Variants in RARB observed in about 807,000 individuals in gnomAD.
The protein encoded by RARB is retinoic acid receptor beta, also known as HBV-activated protein.
In RARB, 17 loss-of-function variants were observed where a neutral mutation model predicts 51.9. The ratio of observed to expected loss-of-function variants is 0.33; its 90% CI spans 0.22 to 0.49. The LOEUF is 0.49. Among genes scored for constraint, RARB ranks in the 20% least tolerant of loss-of-function variants. The probability of loss-of-function intolerance (pLI) is 0.99; values close to 1 mark genes in which losing one functional copy is unlikely to be tolerated. For synonymous variants in RARB, 215 were observed against 195.4 expected (o/e 1.10, Z -0.84); for missense variants, 369 against 550.8 (o/e 0.67, Z 3.30).
intron 2 of RARB, among the ~76,000 whole-genome samples, chr3:25,028,268 G>A (rs965880571): frequency 2.6e-5 from 4 of 152,196 alleles, no homozygotes; most frequent in Admixed American, 2.6e-4. Flanking sequence ...GTCTTAACAA[G>A]TCCTCCAGGT....
At chr3:25,372,113 T>G (rs916284206) in intron 5 of RARB, among the ~76,000 whole-genome samples, 9 of 152,202 alleles carry the variant, frequency 5.9e-5, no homozygotes, top group African/African-American at 1.9e-4. Context: ...TAGGCCAGGA[T>G]AAAAAGTTTG....
intron 3 of RARB, among the ~76,000 whole-genome samples, chr3:25,125,330 T>G (rs1412483107): frequency 1.3e-5 from 2 of 152,148 alleles, no homozygotes; most frequent in African/African-American, 2.4e-5. Context: ...CCTGGGAGGG[T>G]ACTCCACTAA....
intron 2 of RARB, among the ~76,000 whole-genome samples, chr3:24,859,220 T>C (rs1250535411): frequency 6.6e-6 from 1 of 151,918 alleles, no homozygotes; most frequent in African/African-American, 2.4e-5. Flanking sequence ...ATTGAGCTGA[T>C]GTCTTTCTCT....
intron 5 of RARB, among the ~76,000 whole-genome samples, chr3:25,407,356 A>T (rs906022536): frequency 6.6e-6 from 1 of 152,218 alleles, no homozygotes; most frequent in African/African-American, 2.4e-5. Flanking sequence ...CAATGTAACT[A>T]AAATTCAGTT....
rs200850244 is a variant in RARB at position 25,569,821 on chromosome 3, A to G, written c.512A>G (p.Tyr171Cys). The G allele has an allele frequency of 2.8e-5, 45 of 1,614,108 alleles. No homozygotes were observed. Among genetic ancestry groups the G allele is most frequent in the Non-Finnish European group, 3.4e-6 (4 of 1,180,032 alleles). Residue 171 changes from tyrosine to cysteine, a missense_variant, in exon 4 of 8, where the codon TAT becomes TGT. Coordinates refer to ENST00000330688, the MANE Select transcript of RARB (RefSeq NM_000965.5). ...TCGAAGCAAGAATGCACAGAGAGCT[A>G]TGAAATGACAGCTGAGTTGGACGAT... ...ETSKQECTESYEMTAELDDLT... is the reference protein window; with the variant it reads ...ETSKQECTESCEMTAELDDLT...
intron 5 of RARB, among the ~76,000 whole-genome samples, chr3:25,276,920 C>G (rs1440375988): frequency 1.3e-5 from 2 of 152,090 alleles, no homozygotes; most frequent in African/African-American, 2.4e-5. Flanking sequence ...AATTCTAGAT[C>G]TAGGACTGGT....
At position 25,179,888 on chromosome 3, in the gene RARB, A is replaced by G. The variant is rs7617058; in HGVS notation, c.178+5313A>G. ...ACATGTATTAAGTAATCACATTGCC[A>G]TTAAAAGTAATGGCAAGAACCACAA... On this transcript the variant is annotated intron_variant, in intron 5 of 11. Coordinates refer to the RARB transcript ENST00000383772. 5.2e-3 allele frequency among the ~76,000 whole-genome samples: 796 copies of G among 152,348 alleles called. 12 individuals are homozygous for G. Among genetic ancestry groups the G allele is most frequent in the African/African-American group, 0.017 (696 of 41,576 alleles).
At chr3:24,866,182 T>A (rs1702844215) in intron 2 of RARB, among the ~76,000 whole-genome samples, 1 of 152,092 alleles carries the variant, frequency 6.6e-6, no homozygotes, top group South Asian at 2.1e-4. Flanking sequence ...TCTCATTTCA[T>A]CTCTTACCAT....
chr3:24,966,567 A>G (rs1408786011), intron 2 of RARB, among the ~76,000 whole-genome samples: 1 of 150,256 alleles, frequency 6.7e-6, no homozygotes, highest in East Asian at 2.0e-4. Context: ...GTCAAAGGTC[A>G]TTTCTACCAT....
chr3:25,289,028 C>G (rs1412982754), intron 5 of RARB, among the ~76,000 whole-genome samples: 1 of 152,234 alleles, frequency 6.6e-6, no homozygotes, highest in Non-Finnish European at 1.5e-5. Flanking sequence ...TACTGTTCCG[C>G]CACTGAGGCA....
intron 2 of RARB, among the ~76,000 whole-genome samples, chr3:24,977,942 T>A (rs142816908): frequency 6.6e-6 from 1 of 152,328 alleles, no homozygotes; most frequent in East Asian, 1.9e-4. Context: ...GTACCTAGTT[T>A]ATTGAGAATT....
intron 4 of RARB, among the ~76,000 whole-genome samples, chr3:25,146,507 G>GTTTTTTTT (rs1209595229): frequency 1.5e-5 from 2 of 133,398 alleles, no homozygotes; most frequent in African/African-American, 5.5e-5. Context: ...TTGTTTGTTT[G>GTTTTTTTT]TTTGTTTTTT....
At chr3:25,057,531 G>A (rs895480159) in intron 2 of RARB, among the ~76,000 whole-genome samples, 3 of 151,980 alleles carry the variant, frequency 2.0e-5, no homozygotes, top group East Asian at 1.9e-4. Context: ...CTCACTGACT[G>A]AACTTGCCAG....
At chr3:25,410,533 T>G (rs1464506394) in intron 5 of RARB, among the ~76,000 whole-genome samples, 2 of 152,246 alleles carry the variant, frequency 1.3e-5, no homozygotes, top group African/African-American at 2.4e-5. Context: ...CATCTGTGTT[T>G]CTTTCCCATA....
rs555335848 is a variant in RARB, at chr3:25,209,219, G to C, written c.178+34644G>C. Among the ~76,000 whole-genome samples the C allele has an allele frequency of 2.6e-5, 4 of 152,314 alleles. No individual in the cohort carries two copies. In the South Asian group the frequency reaches 8.3e-4, roughly 32 times the overall value. ...GGAACTCCATTTTGCTGGTGACTGA[G>C]TCAGGTTAGTCATGCAGAAGATCCC... On this transcript the variant is annotated intron_variant, in intron 5 of 11. Coordinates refer to the RARB transcript ENST00000383772.
Position 25,266,294 on chromosome 3 carries a change from GA to G in RARB, c.178+91722del, listed in dbSNP as rs527748191. Among the ~76,000 whole-genome samples the G allele has an allele frequency of 1.6e-3, 249 of 152,142 alleles. 1 individual carries two copies. The highest frequency in any genetic ancestry group is 5.7e-3 in the African/African-American group (238 of 41,506). ...TTCTAGCCCTTCGGAATCCAAAATG[GA>G]AATTTTTTCTATCACTTAAATTTAA... On this transcript the variant is annotated intron_variant, in intron 5 of 11. Transcript: ENST00000383772.
chr3:25,245,804 G>T (rs532274667), intron 5 of RARB, among the ~76,000 whole-genome samples: 5 of 152,132 alleles, frequency 3.3e-5, no homozygotes, highest in African/African-American at 1.2e-4. Flanking sequence ...TTCTCGAGGA[G>T]ATACTCTTGA....
At chr3:25,163,829 G>A (rs1484618786) in intron 4 of RARB, among the ~76,000 whole-genome samples, 2 of 152,064 alleles carry the variant, frequency 1.3e-5, no homozygotes, top group African/African-American at 4.8e-5. Flanking sequence ...CAGTTGTGAT[G>A]TTTCTTTTGA....
chr3:25,328,829 A>G (rs1023147357), intron 5 of RARB, among the ~76,000 whole-genome samples: 2 of 152,212 alleles, frequency 1.3e-5, no homozygotes, highest in Non-Finnish European at 2.9e-5. Context: ...CCACCCTAAT[A>G]CTGTGCTTTT....
Sources: gnomAD v4.1 joint callset for allele counts (sites outside exome capture counted in the v4.1 genomes callset) on GRCh38, gnomAD v4.1.1 for gene constraint, MANE v1.5 for transcripts, NCBI Gene and HGNC (gene_info 2026-07-23, HGNC 2026-07-21) for gene names.